The following PEX7 variants were observed in gnomAD, a reference collection of about 807,000 sequenced individuals.
PEX7 encodes the protein peroxisomal biogenesis factor 7.
In PEX7, 34 loss-of-function variants were observed where a neutral mutation model predicts 47.5. The ratio of observed to expected loss-of-function variants is 0.72; its 90% CI spans 0.54 to 0.95. The LOEUF is 0.95. Among genes scored for constraint, PEX7 ranks in the 40% least tolerant of loss-of-function variants. The pLI is 0.00. For synonymous variants in PEX7, 141 were observed against 148.8 expected (o/e 0.95, Z 0.38); for missense variants, 394 against 400.3 (o/e 0.98, Z 0.13).
chr6:136,897,576 G>A (rs1177955284), intron 8 of PEX7, among the ~76,000 whole-genome samples: 1 of 152,152 alleles, frequency 6.6e-6, no homozygotes, highest in African/African-American at 2.4e-5. Flanking sequence ...CTGTAAGAAA[G>A]GCTGTGCCTC....
At chr6:136,854,433 C>A (rs142801229) in intron 5 of PEX7, among the ~76,000 whole-genome samples, 1 of 152,096 alleles carries the variant, frequency 6.6e-6, no homozygotes, top group Admixed American at 6.6e-5. Context: ...GTGATCAACC[C>A]GCCTTGGCCT....
At position 136,866,675 on chromosome 6, in the gene PEX7, T is replaced by C. The variant is rs763817863; in HGVS notation, c.575T>C (p.Ile192Thr). ...IWDVKAAGVR[I>T]VIPAHQAEIL... ...GATGTGAAGGCAGCAGGAGTAAGAATCGTGATTCCTGCACATCAGGCAGAA... is the reference window on the plus strand; with the variant it reads ...GATGTGAAGGCAGCAGGAGTAAGAACCGTGATTCCTGCACATCAGGCAGAA... Residue 192 changes from isoleucine (I) to threonine (T), a missense_variant, in exon 6 of 10, where the codon ATC becomes ACC. Transcript: ENST00000318471. 6.2e-7 allele frequency: 1 copy of C among 1,614,082 alleles called. No individual in the cohort carries two copies. Among genetic ancestry groups the C allele is most frequent in the Non-Finnish European group, 8.5e-7 (1 of 1,179,960 alleles).
At chr6:136,864,768 A>T (rs1034330858) in intron 5 of PEX7, among the ~76,000 whole-genome samples, 7 of 152,190 alleles carry the variant, frequency 4.6e-5, no homozygotes, top group Non-Finnish European at 1.0e-4. Flanking sequence ...TAGGTGCTTT[A>T]CAGAAACGTG....
At chr6:136,858,393 T>C (rs1432000487) in intron 5 of PEX7, among the ~76,000 whole-genome samples, 1 of 152,202 alleles carries the variant, frequency 6.6e-6, no homozygotes, top group African/African-American at 2.4e-5. Context: ...GCTAAAACTC[T>C]TGGAGCTCTA....
intron 9 of PEX7, among the ~76,000 whole-genome samples, chr6:136,899,828 CA>C (rs1775723473): frequency 6.6e-6 from 1 of 152,112 alleles, no homozygotes; most frequent in African/African-American, 2.4e-5. Context: ...AGTGAAATGG[CA>C]TTTTTTCAGC....
chr6:136,845,744 C>A (rs1774585990), intron 4 of PEX7, 52 bp downstream of exon 4: 1 of 1,108,210 alleles, frequency 9.0e-7, no homozygotes, highest in Non-Finnish European at 1.4e-6. Context: ...TCTAGAGCTT[C>A]CACTAAATTT....
In PEX7 at chr6:136,900,655, G is replaced by A; in HGVS notation, c.903+2414G>A. The A allele has an allele frequency of 5.9e-6, 2 of 336,588 alleles. No individual in the cohort carries two copies. The highest frequency in any genetic ancestry group is 2.4e-5 in the South Asian group (1 of 41,182). The allele number at this position is 336,588 out of a possible 1,614,324, so 20.9% of individuals were successfully genotyped here. A position where few individuals can be genotyped will look rare whatever the true frequency, so the allele number is the denominator to read the frequency against. ...AGGGACCCCCATTTTATGAGACAGG[G>A]CAGGCAGGAAGACAACCAGCTTGAT... On this transcript the variant is annotated intron_variant, in intron 9 of 9. Transcript: ENST00000318471. This position sits in a 1 kb window ranked among gnomAD's most constrained non-coding sequence, Gnocchi z 4.2.
At chr6:136,872,169 G>C in intron 7 of PEX7, 29 bp from the exon 8 acceptor site, 1 of 1,589,418 alleles carries the variant, frequency 6.3e-7, no homozygotes, top group African/African-American at 1.4e-5. Context: ...ACTTCAAAAA[G>C]GGTTTTTTTT....
intron 1 of PEX7, among the ~76,000 whole-genome samples, chr6:136,823,962 C>A (rs1774137151): frequency 6.6e-6 from 1 of 152,186 alleles, no homozygotes; most frequent in Non-Finnish European, 1.5e-5. Flanking sequence ...TGCCTTAATT[C>A]ATGTCCTAGC....
chr6:136,831,402 A>G (rs942807261), intron 3 of PEX7, among the ~76,000 whole-genome samples: 5 of 152,210 alleles, frequency 3.3e-5, no homozygotes, highest in African/African-American at 1.2e-4. Context: ...CCCTGGACAC[A>G]TGGGGATTAC....
At chr6:136,870,873 A>G in intron 7 of PEX7, 2 of 239,428 alleles carry the variant, frequency 8.4e-6, no homozygotes, top group South Asian at 3.7e-5. Flanking sequence ...ATTTTTTTGT[A>G]TTTTTAGTGG....
At chr6:136,828,868 G>T (rs1448955137) in intron 3 of PEX7, among the ~76,000 whole-genome samples, 2 of 152,152 alleles carry the variant, frequency 1.3e-5, no homozygotes, top group Non-Finnish European at 2.9e-5. Flanking sequence ...TTTGTTATTT[G>T]AACTGCTATT....
At chr6:136,854,121 A>G (rs895391176) in intron 5 of PEX7, among the ~76,000 whole-genome samples, 2 of 152,198 alleles carry the variant, frequency 1.3e-5, no homozygotes, top group African/African-American at 4.8e-5. Flanking sequence ...AGTCAGTGGT[A>G]GCAATATTAA....
intron 9 of PEX7, among the ~76,000 whole-genome samples, chr6:136,910,494 T>C (rs1483760388): frequency 6.6e-6 from 1 of 152,164 alleles, no homozygotes; most frequent in African/African-American, 2.4e-5. Context: ...AGCAGCATGC[T>C]TGGATTTGAG....
intron 3 of PEX7, 109 bp downstream of exon 3, chr6:136,826,578 G>A (rs762970189): frequency 1.7e-4 from 222 of 1,286,094 alleles, no homozygotes; most frequent in Middle Eastern, 2.2e-4. Flanking sequence ...AAGTTTAAAC[G>A]TTAGCATTTC....
intron 8 of PEX7, among the ~76,000 whole-genome samples, chr6:136,886,826 G>A (rs550066507): frequency 1.1e-4 from 17 of 152,228 alleles, no homozygotes; most frequent in African/African-American, 4.1e-4. Flanking sequence ...GCCAAGGCGG[G>A]AAAATTTCTT....
At chr6:136,854,727 C>G (rs949003420) in intron 5 of PEX7, among the ~76,000 whole-genome samples, 1 of 152,042 alleles carries the variant, frequency 6.6e-6, no homozygotes, top group African/African-American at 2.4e-5. Context: ...GCCTTATATC[C>G]TACAGTTTCA....
chr6:136,823,620 G>T (rs2115125443), intron 1 of PEX7, among the ~76,000 whole-genome samples: 1 of 152,222 alleles, frequency 6.6e-6, no homozygotes, highest in East Asian at 1.9e-4. Context: ...GCGCCGTGCG[G>T]TGGCTCACGT....
chr6:136,853,282 A>G (rs1027967001), intron 5 of PEX7, among the ~76,000 whole-genome samples: 2 of 152,322 alleles, frequency 1.3e-5, no homozygotes, highest in Admixed American at 1.3e-4. Context: ...CTTGACAGAA[A>G]ACGTTTGCTG....
Sources: allele counts gnomAD v4.1 joint callset (sites outside exome capture counted in the v4.1 genomes callset), GRCh38; gene constraint gnomAD v4.1.1; non-coding constraint Gnocchi (gnomAD v3.1); transcripts MANE v1.5; gene names NCBI Gene and HGNC (gene_info 2026-07-23, HGNC 2026-07-21).